SF1: variants seen among roughly 807,000 people sequenced by gnomAD.
SF1 encodes splicing factor 1.
SF1 carries 7 observed loss-of-function variants against 62.5 expected under a neutral mutation model. The ratio of observed to expected loss-of-function variants is 0.11; its 90% confidence interval spans 0.06 to 0.21. The LOEUF is 0.21. Among genes scored for constraint, SF1 ranks in the 10% least tolerant of loss-of-function variants. The pLI, the probability that SF1 is intolerant of heterozygous loss-of-function variation, is 1.00. For missense variants in SF1, 578 were observed against 884.0 expected, an observed-to-expected ratio of 0.65 and a Z score of 4.39; for synonymous variants, 394 against 323.6, an observed-to-expected ratio of 1.22 and a Z score of -2.33.
At position 64,766,962 on chromosome 11, in the gene SF1, GGCT is replaced by G. The variant is rs769560379; in HGVS notation, c.1517_1519del (p.Gln506del). 9 of 1,503,026 alleles carry G rather than the reference GGCT, an allele frequency of 6.0e-6. No individual in the cohort carries two copies. The highest frequency in any genetic ancestry group is 2.8e-5 in the South Asian group (2 of 71,836). The allele number at this position is 1,503,026 out of a possible 1,614,324, so 93.1% of individuals were successfully genotyped here. A position where few individuals can be genotyped will look rare whatever the true frequency, so the allele number is the denominator to read the frequency against. On this transcript the variant is annotated inframe_deletion, in exon 12 of 13. Transcript: ENST00000377390. ...GCTGCTGGGCGGAGGGGGTGGCGGA[GGCT>G]GCTGCTGCTGTTGTTGCCATGGGGG...
At chr11:64,766,614 G>A (rs2058689906) in intron 12 of SF1, 2 of 417,158 alleles carry the variant, frequency 4.8e-6, no homozygotes, top group Non-Finnish European at 8.5e-6. Context: ...CCAGCCAGCC[G>A]CTCACTCAGC....
intron 2 of SF1, among the ~76,000 whole-genome samples, chr11:64,774,555 T>C (rs117949726): frequency 2.2e-4 from 34 of 152,296 alleles, no homozygotes; most frequent in South Asian, 1.7e-3. Flanking sequence ...GGCTCCAAGA[T>C]AGGATTAATG....
chr11:64,771,176 A>G (rs1938259975), intron 3 of SF1, among the ~76,000 whole-genome samples: 1 of 152,272 alleles, frequency 6.6e-6, no homozygotes, highest in Non-Finnish European at 1.5e-5. Context: ...ATTCTCCACC[A>G]GAGTTTACAA....
rs1322733911 is a variant in SF1 at position 64,765,575 on chromosome 11, AAAG to A, written c.*240_*242del. The A allele has an allele frequency of 1.2e-5, 18 of 1,553,926 alleles. No homozygotes were observed. Among genetic ancestry groups the A allele is most frequent in the South Asian group, 6.0e-5 (5 of 83,424 alleles). ...AGTTGGGTGAGGAGAGAAAGAAGAC[AAAG>A]AAGACACTCGATGCTACGGGGCGCC... On this transcript the variant is annotated 3_prime_UTR_variant, in exon 13 of 13. Coordinates refer to ENST00000377390, the MANE Select transcript of SF1 (RefSeq NM_004630.4).
At chr11:64,777,207 C>A (rs899688431) in intron 1 of SF1, among the ~76,000 whole-genome samples, 4 of 152,182 alleles carry the variant, frequency 2.6e-5, no homozygotes, top group Non-Finnish European at 5.9e-5. Context: ...CACTGAGGGT[C>A]TGAACTCTTA....
chr11:64,773,932 A>G (rs140163385), intron 2 of SF1, among the ~76,000 whole-genome samples: 1 of 152,234 alleles, frequency 6.6e-6, no homozygotes, highest in Non-Finnish European at 1.5e-5. Context: ...TTCTTCATTA[A>G]ATGTTAAACA....
intron 3 of SF1, chr11:64,771,359 G>T: frequency 1.4e-6 from 1 of 704,108 alleles, no homozygotes; most frequent in Non-Finnish European, 1.7e-6. Context: ...AAGGACCATA[G>T]CTTGATATTC....
At chr11:64,768,013 T>C (rs1937632856) in intron 9 of SF1, 93 bp downstream of exon 9, 2 of 1,478,752 alleles carry the variant, frequency 1.4e-6, no homozygotes, top group African/African-American at 1.4e-5. Context: ...CCACATCCAT[T>C]GTCTGCTCTA....
chr11:64,771,791 T>G (rs930070931), intron 3 of SF1: 1 of 984,988 alleles, frequency 1.0e-6, no homozygotes, highest in African/African-American at 1.7e-5. Flanking sequence ...AACAATAAAG[T>G]GGCTTAAGTG....
At chr11:64,772,885 G>A (rs994963753) in intron 3 of SF1, 1 of 986,284 alleles carries the variant, frequency 1.0e-6, no homozygotes, top group Non-Finnish European at 1.2e-6. Context: ...ACACCCCCAA[G>A]GCAATGGCCA....
chr11:64,769,197 C>G (rs528224468), intron 7 of SF1, 26 bp downstream of exon 7: 15 of 1,610,980 alleles, frequency 9.3e-6, no homozygotes, highest in Non-Finnish European at 1.3e-5. Flanking sequence ...CAGGTCTCTA[C>G]ACTCTCCTTT....
At chr11:64,772,156 T>C (rs1938423309) in intron 3 of SF1, 1 of 985,204 alleles carries the variant, frequency 1.0e-6, no homozygotes, top group African/African-American at 1.7e-5. Context: ...CCAACAGGCA[T>C]CGGCTAGATC....
At chr11:64,771,214 A>T (rs71583712) in intron 3 of SF1, among the ~76,000 whole-genome samples, 11 of 152,296 alleles carry the variant, frequency 7.2e-5, no homozygotes, top group Middle Eastern at 3.4e-3. Flanking sequence ...TCTCTCTCTC[A>T]TTTTTTTAAG....
At chr11:64,773,588 A>T (rs1938653635) in intron 2 of SF1, 83 bp from the exon 3 acceptor site, 1 of 1,467,432 alleles carries the variant, frequency 6.8e-7, no homozygotes, top group Non-Finnish European at 9.2e-7. Context: ...CTCAACAACA[A>T]GCATGAAGAA....
chr11:64,776,824 G>A lies in SF1; in HGVS notation c.32-198C>T, dbSNP rs559539408. 7.9e-5 allele frequency among the ~76,000 whole-genome samples: 12 copies of A among 152,258 alleles called. No individual in the cohort carries two copies. In the South Asian group the frequency reaches 1.9e-3, roughly 24 times the overall value. On this transcript the variant is annotated intron_variant, in intron 1 of 12. Coordinates refer to ENST00000377390, the MANE Select transcript of SF1 (RefSeq NM_004630.4). ...GCTTATGGCCACTACAAGGGTATGT[G>A]GTCCTTGGTCAGGCAAGTTAACATT... is the stretch of plus-strand genomic sequence containing the variant.
Position 64,769,219 on chromosome 11 carries a change from A to C in SF1, c.779+4T>G. ...CTACACTCTCCTTTAAACTGATCACATACCTGTTATCGTCTTCCCGAAGGG... is the reference window on the plus strand; with the variant it reads ...CTACACTCTCCTTTAAACTGATCACCTACCTGTTATCGTCTTCCCGAAGGG... On this transcript the variant is annotated splice_donor_region_variant and intron_variant, in intron 7 of 12. Coordinates refer to ENST00000377390, the MANE Select transcript of SF1 (RefSeq NM_004630.4). The C allele has an allele frequency of 6.2e-7, 1 of 1,613,564 alleles. No homozygotes were observed. The highest frequency in any genetic ancestry group is 1.3e-5 in the African/African-American group (1 of 75,036).
intron 3 of SF1, chr11:64,772,181 C>T: frequency 1.0e-6 from 1 of 985,336 alleles, no homozygotes; most frequent in Non-Finnish European, 1.2e-6. Flanking sequence ...AAATTCTAAT[C>T]CCAGTTATCC....
intron 8 of SF1, 28 bp from the exon 9 acceptor site, chr11:64,768,314 A>G: frequency 6.2e-7 from 1 of 1,602,540 alleles, no homozygotes; most frequent in Non-Finnish European, 8.5e-7. Flanking sequence ...ACACAAACAG[A>G]GAAAGGGGAA....
chr11:64,767,838 T>C lies in SF1; in HGVS notation c.1075A>G (p.Met359Val). ...PANNPPPPSL[M>V]STTQSRPPWM... ...GGTGGGCGGCTCTGGGTGGTAGACA[T>C]GAGAGACTACGTGAGAGCATTTCCT... The change falls in exon 10 of 13, where the codon ATG becomes GTG. Residue 359 changes from methionine (M) to valine (V), a missense_variant. By Grantham distance (21) the Met-to-Val change is conservative. Around this residue, in one of 7 missense-constraint regions of SF1, gnomAD observed 410 missense variants for 452.4 expected, o/e 0.91. Coordinates refer to ENST00000377390, the MANE Select transcript of SF1 (RefSeq NM_004630.4). The C allele has an allele frequency of 6.2e-7, 1 of 1,610,956 alleles. No individual in the cohort carries two copies. The highest frequency in any genetic ancestry group is 8.5e-7 in the Non-Finnish European group (1 of 1,178,896).
Sources: allele counts gnomAD v4.1 joint callset (sites outside exome capture counted in the v4.1 genomes callset), GRCh38; gene constraint gnomAD v4.1.1; regional missense constraint gnomAD v4.1.1; transcripts MANE v1.5; gene names NCBI Gene and HGNC (gene_info 2026-07-23, HGNC 2026-07-21).